The following DSCAM variants were observed in gnomAD, a reference collection of about 807,000 sequenced individuals.
The protein encoded by DSCAM is cell adhesion molecule DSCAM.
Under a neutral mutation model 217.7 loss-of-function variants are expected in DSCAM, and 47 were observed. That is an observed-to-expected ratio of 0.22 (90% confidence interval 0.17 to 0.28). The LOEUF is 0.28. Among genes scored for constraint, DSCAM ranks in the 10% least tolerant of loss-of-function variants. The pLI, the probability that DSCAM is intolerant of heterozygous loss-of-function variation, is 1.00. For missense variants in DSCAM, 2,080 were observed against 2,618.3 expected, an observed-to-expected ratio of 0.79 and a Z score of 4.49; for synonymous variants, 1,056 against 1,015.3, an observed-to-expected ratio of 1.04 and a Z score of -0.76.
chr21:40,377,443 T>C (rs2074974607), intron 3 of DSCAM, among the ~76,000 whole-genome samples: 1 of 151,858 alleles, frequency 6.6e-6, no homozygotes, highest in Non-Finnish European at 1.5e-5. Context: ...AACCTAAAGG[T>C]TCAACAGAGC....
chr21:40,053,874 T>C (rs1021147455), intron 29 of DSCAM, among the ~76,000 whole-genome samples: 3 of 152,226 alleles, frequency 2.0e-5, no homozygotes, highest in Non-Finnish European at 4.4e-5. Context: ...TCTATTTTCA[T>C]AGCCATATGT....
chr21:40,563,600 A>ATATGTT (rs1568907603), intron 3 of DSCAM, among the ~76,000 whole-genome samples: 1 of 85,290 alleles, frequency 1.2e-5, no homozygotes, highest in East Asian at 4.0e-4. Flanking sequence ...TTTATATGTT[A>ATATGTT]TATATATGTT....
At chr21:40,476,490 G>A (rs1410103302) in intron 3 of DSCAM, among the ~76,000 whole-genome samples, 1 of 152,212 alleles carries the variant, frequency 6.6e-6, no homozygotes, top group Non-Finnish European at 1.5e-5. Flanking sequence ...GATGATGATA[G>A]TGACAATCAC....
intron 30 of DSCAM, among the ~76,000 whole-genome samples, chr21:40,048,439 A>G (rs984362695): frequency 9.8e-5 from 15 of 152,316 alleles, no homozygotes; most frequent in African/African-American, 3.6e-4. Context: ...CAGAGAAGTA[A>G]TCAGTGCAGC....
intron 11 of DSCAM, among the ~76,000 whole-genome samples, chr21:40,229,659 G>A (rs972150427): frequency 6.6e-6 from 1 of 152,120 alleles, no homozygotes; most frequent in African/African-American, 2.4e-5. Flanking sequence ...CTTAATTTTA[G>A]TGGTTTGACT....
chr21:40,614,464 A>G (rs17757927), intron 3 of DSCAM, among the ~76,000 whole-genome samples: 2,316 of 152,316 alleles, frequency 0.015, 33 homozygotes, highest in Middle Eastern at 0.031. Flanking sequence ...AATCATTAAG[A>G]TTGGCAAGTT....
chr21:40,290,294 C>T (rs1044633577), intron 10 of DSCAM, among the ~76,000 whole-genome samples: 9 of 152,034 alleles, frequency 5.9e-5, no homozygotes, highest in African/African-American at 2.2e-4. Context: ...AAAATTGACC[C>T]CAAATGGAAA....
chr21:40,528,098 C>T (rs1888509), intron 3 of DSCAM, among the ~76,000 whole-genome samples: 4 of 152,066 alleles, frequency 2.6e-5, no homozygotes, highest in African/African-American at 9.6e-5. Flanking sequence ...GTATTTCTAC[C>T]ATGTTCTGAT....
At chr21:40,149,243 C>T (rs940158994) in intron 16 of DSCAM, among the ~76,000 whole-genome samples, 1 of 151,940 alleles carries the variant, frequency 6.6e-6, no homozygotes, top group Non-Finnish European at 1.5e-5. Context: ...ACCAATATCA[C>T]TATCACCACA....
intron 11 of DSCAM, among the ~76,000 whole-genome samples, chr21:40,194,881 C>A (rs531234838): frequency 6.6e-6 from 1 of 152,052 alleles, no homozygotes; most frequent in Non-Finnish European, 1.5e-5. Flanking sequence ...CTGAAATTGG[C>A]GAGTGCTAGA....
At chr21:40,349,797 C>A (rs1334348022) in intron 5 of DSCAM, among the ~76,000 whole-genome samples, 3 of 152,118 alleles carry the variant, frequency 2.0e-5, no homozygotes, top group Admixed American at 1.3e-4. Context: ...CAGAGAAAAT[C>A]TGATGAAAAT....
chr21:40,546,932 G>A (rs2223000), intron 3 of DSCAM, among the ~76,000 whole-genome samples: 5,991 of 152,130 alleles, frequency 0.039, 398 homozygotes, highest in African/African-American at 0.14. Context: ...GGAGCCTGGA[G>A]GATCCTTTCT....
chr21:40,228,893 C>T (rs1414991194), intron 11 of DSCAM, among the ~76,000 whole-genome samples: 2 of 152,132 alleles, frequency 1.3e-5, no homozygotes, highest in Non-Finnish European at 2.9e-5. Flanking sequence ...TGTGTGTATA[C>T]TAACACATGT....
intron 20 of DSCAM, among the ~76,000 whole-genome samples, chr21:40,097,629 T>C (rs2089691724): frequency 6.6e-6 from 1 of 152,114 alleles, no homozygotes; most frequent in African/African-American, 2.4e-5. Flanking sequence ...TATCCGACTA[T>C]ATGCTGCTTA....
At chr21:40,817,427 G>C (rs960222066) in intron 1 of DSCAM, among the ~76,000 whole-genome samples, 2 of 152,158 alleles carry the variant, frequency 1.3e-5, no homozygotes, top group African/African-American at 2.4e-5. Flanking sequence ...ATTAAAATGT[G>C]CATGTCTGGG....
intron 4 of DSCAM, among the ~76,000 whole-genome samples, chr21:40,360,895 C>T (rs1014266525): frequency 6.6e-6 from 1 of 152,148 alleles, no homozygotes; most frequent in Admixed American, 6.5e-5. Context: ...CTCCAGTCTG[C>T]TTTCCACAAT....
At chr21:40,489,059 TAAAGA>T (rs1317061705) in intron 3 of DSCAM, among the ~76,000 whole-genome samples, 1 of 152,190 alleles carries the variant, frequency 6.6e-6, no homozygotes, top group African/African-American at 2.4e-5. Flanking sequence ...AAAATTTGCA[TAAAGA>T]AAAGAAAATT....
chr21:40,367,093 T>C (rs1043453942), intron 4 of DSCAM, among the ~76,000 whole-genome samples: 1 of 152,182 alleles, frequency 6.6e-6, no homozygotes, highest in Non-Finnish European at 1.5e-5. Context: ...ACATAGACCA[T>C]CACTGGCCTG....
intron 11 of DSCAM, among the ~76,000 whole-genome samples, chr21:40,261,523 T>G (rs533990817): frequency 6.6e-6 from 1 of 152,092 alleles, no homozygotes; most frequent in Non-Finnish European, 1.5e-5. Context: ...GAGTGAAACA[T>G]TGGCTCTCCT....
Sources: gnomAD v4.1 joint callset for allele counts (sites outside exome capture counted in the v4.1 genomes callset) on GRCh38, gnomAD v4.1.1 for gene constraint, MANE v1.5 for transcripts, NCBI Gene and HGNC (gene_info 2026-07-23, HGNC 2026-07-21) for gene names.